TMEFF2: variants seen among roughly 807,000 people sequenced by gnomAD.
TMEFF2 encodes tomoregulin-2.
TMEFF2 carries 28 observed loss-of-function variants against 53.8 expected under a neutral mutation model. That is an observed-to-expected ratio of 0.52 (90% CI 0.39 to 0.71). TMEFF2 has a LOEUF of 0.71. Ranked by LOEUF, TMEFF2 falls within the 30% of genes least tolerant of loss-of-function variation. The pLI, the probability that TMEFF2 is intolerant of heterozygous loss-of-function variation, is 0.00. For missense variants in TMEFF2, 353 were observed against 455.2 expected, an observed-to-expected ratio of 0.78 and a Z score of 2.04; for synonymous variants, 162 against 166.3, an observed-to-expected ratio of 0.97 and a Z score of 0.20.
At chr2:192,121,597 G>A (rs1246693527) in intron 4 of TMEFF2, among the ~76,000 whole-genome samples, 3 of 152,168 alleles carry the variant, frequency 2.0e-5, no homozygotes, top group Non-Finnish European at 4.4e-5. Flanking sequence ...GGTCATGGCT[G>A]GGCCTGCCAT....
At chr2:192,046,854 T>G (rs1161869523) in intron 5 of TMEFF2, among the ~76,000 whole-genome samples, 3 of 152,160 alleles carry the variant, frequency 2.0e-5, no homozygotes, top group African/African-American at 4.8e-5. Context: ...TATTGATAAT[T>G]TGATGTTATA....
At chr2:192,127,554 GA>G (rs1689706543) in intron 4 of TMEFF2, among the ~76,000 whole-genome samples, 1 of 152,152 alleles carries the variant, frequency 6.6e-6, no homozygotes, top group African/African-American at 2.4e-5. Context: ...TTATTTTGGG[GA>G]AACCTCACTT....
chr2:192,099,078 G>A (rs1278516775), intron 4 of TMEFF2, among the ~76,000 whole-genome samples: 1 of 152,054 alleles, frequency 6.6e-6, no homozygotes, highest in Non-Finnish European at 1.5e-5. Flanking sequence ...CCCATACTGA[G>A]GGAACCAGCA....
chr2:192,165,289 C>T (rs113885076), intron 4 of TMEFF2, among the ~76,000 whole-genome samples: 62 of 152,184 alleles, frequency 4.1e-4, no homozygotes, highest in African/African-American at 1.3e-3. Context: ...CCTGGCTTTG[C>T]CACTAACACT....
chr2:192,183,379 T>C (rs1000479139), intron 3 of TMEFF2, among the ~76,000 whole-genome samples: 1 of 151,998 alleles, frequency 6.6e-6, no homozygotes, highest in Non-Finnish European at 1.5e-5. Context: ...TTTAACATCA[T>C]ACACTAGATT....
chr2:191,966,003 AAC>A (rs1367834037), intron 7 of TMEFF2, among the ~76,000 whole-genome samples: 2 of 151,718 alleles, frequency 1.3e-5, no homozygotes, highest in East Asian at 1.9e-4. Context: ...AAAAAAAAAA[AAC>A]TTGCGTAGTC....
chr2:192,054,935 A>C (rs1687865925), intron 5 of TMEFF2, among the ~76,000 whole-genome samples: 1 of 152,198 alleles, frequency 6.6e-6, no homozygotes, highest in South Asian at 2.1e-4. Context: ...CATAGTAAAC[A>C]ACCAATAATT....
chr2:192,007,163 T>A (rs1376763185), intron 5 of TMEFF2, among the ~76,000 whole-genome samples: 1 of 152,198 alleles, frequency 6.6e-6, no homozygotes, highest in Non-Finnish European at 1.5e-5. Flanking sequence ...ATGTACACTA[T>A]TCAGTGACAT....
intron 4 of TMEFF2, among the ~76,000 whole-genome samples, chr2:192,152,793 A>G (rs1690418908): frequency 6.6e-6 from 1 of 151,944 alleles, no homozygotes; most frequent in Non-Finnish European, 1.5e-5. Flanking sequence ...AATAACCTAC[A>G]GGCCACTAAT....
chr2:192,056,959 C>G (rs764951995), intron 5 of TMEFF2, among the ~76,000 whole-genome samples: 1 of 152,180 alleles, frequency 6.6e-6, no homozygotes, highest in Non-Finnish European at 1.5e-5. Context: ...GAATAAATTT[C>G]TTTTGTTTAT....
At chr2:192,120,351 A>G (rs769845979) in intron 4 of TMEFF2, among the ~76,000 whole-genome samples, 2 of 152,320 alleles carry the variant, frequency 1.3e-5, no homozygotes, top group South Asian at 2.1e-4. Flanking sequence ...TCATGGAAAG[A>G]GCGAAATTCC....
intron 4 of TMEFF2, among the ~76,000 whole-genome samples, chr2:192,136,249 C>T (rs1286487561): frequency 6.6e-6 from 1 of 152,166 alleles, no homozygotes; most frequent in Non-Finnish European, 1.5e-5. Flanking sequence ...TTCCCTGAAT[C>T]TTAAAAGGTT....
At chr2:192,127,767 GTAA>G (rs1164588253) in intron 4 of TMEFF2, among the ~76,000 whole-genome samples, 8 of 152,176 alleles carry the variant, frequency 5.3e-5, no homozygotes, top group Admixed American at 2.6e-4. Flanking sequence ...ACAATTTTAA[GTAA>G]TAATATTACT....
chr2:192,012,853 A>G (rs1686662533), intron 5 of TMEFF2, among the ~76,000 whole-genome samples: 1 of 152,220 alleles, frequency 6.6e-6, no homozygotes, highest in Non-Finnish European at 1.5e-5. Context: ...AAGGTATAGA[A>G]AAATTAGTAA....
intron 5 of TMEFF2, among the ~76,000 whole-genome samples, chr2:192,011,055 A>G (rs1244664036): frequency 6.6e-6 from 1 of 152,188 alleles, no homozygotes; most frequent in African/African-American, 2.4e-5. Context: ...TCCTCATTGC[A>G]AGATTCATGG....
chr2:192,092,816 G>A (rs1688820618), intron 4 of TMEFF2, among the ~76,000 whole-genome samples: 1 of 152,024 alleles, frequency 6.6e-6, no homozygotes, highest in South Asian at 2.1e-4. Context: ...CAAGGAATGG[G>A]GGTGACTTCT....
chr2:192,044,795 T>G (rs1687574430), intron 5 of TMEFF2, among the ~76,000 whole-genome samples: 2 of 152,196 alleles, frequency 1.3e-5, no homozygotes, highest in South Asian at 4.1e-4. Context: ...GAAACAGTTC[T>G]TAGTTTGCTA....
At chr2:192,086,637 T>G (rs1688675513) in intron 4 of TMEFF2, among the ~76,000 whole-genome samples, 1 of 152,158 alleles carries the variant, frequency 6.6e-6, no homozygotes, top group Admixed American at 6.6e-5. Context: ...AATCAAATTT[T>G]ATGATCCATC....
intron 5 of TMEFF2, chr2:192,028,057 TGGG>T (rs56753899): frequency 0.45 from 51,243 of 114,186 alleles, 10,093 homozygotes; most frequent in Middle Eastern, 0.5. Context: ...GATTGAATTA[TGGG>T]GGGGGGGGGG....
Sources: gnomAD v4.1 joint callset for allele counts (sites outside exome capture counted in the v4.1 genomes callset) on GRCh38, gnomAD v4.1.1 for gene constraint, MANE v1.5 for transcripts, NCBI Gene and HGNC (gene_info 2026-07-23, HGNC 2026-07-21) for gene names.